Variants in ST7 observed in about 807,000 individuals in gnomAD.
ST7 encodes suppressor of tumorigenicity 7 protein.
In ST7, 28 loss-of-function variants were observed where a neutral mutation model predicts 78.7. That is an observed-to-expected ratio of 0.36 (90% CI 0.26 to 0.49). ST7 has a LOEUF of 0.49. Ranked by LOEUF, ST7 falls within the 20% of genes least tolerant of loss-of-function variation. ST7 has a pLI of 0.99. For missense variants in ST7, 418 were observed against 696.0 expected, an observed-to-expected ratio of 0.60 and a Z score of 4.49; for synonymous variants, 247 against 249.6, an observed-to-expected ratio of 0.99 and a Z score of 0.10.
At chr7:117,114,718 C>T (rs1458720941) in intron 2 of ST7, among the ~76,000 whole-genome samples, 1 of 152,122 alleles carries the variant, frequency 6.6e-6, no homozygotes, top group Non-Finnish European at 1.5e-5. Context: ...AGGGAAATTC[C>T]TGACACATGG....
At chr7:116,956,586 A>T in intron 1 of ST7, 1 of 471,232 alleles carries the variant, frequency 2.1e-6, no homozygotes, top group Non-Finnish European at 4.4e-6. Context: ...CAGGGCTTCC[A>T]TAGGCCCAGC....
At chr7:116,983,052 C>T (rs565300706) in intron 1 of ST7, among the ~76,000 whole-genome samples, 50 of 152,244 alleles carry the variant, frequency 3.3e-4, no homozygotes, top group Non-Finnish European at 6.0e-4. Flanking sequence ...GCATATGCCA[C>T]CACGCCTGGC....
chr7:116,956,479 T>A (rs1327192015), intron 1 of ST7: 2 of 471,080 alleles, frequency 4.2e-6, no homozygotes, highest in Non-Finnish European at 8.8e-6. Context: ...GAGAGGTTAC[T>A]GAATCTGGAG....
intron 12 of ST7, 57 bp from the exon 13 acceptor site, chr7:117,209,730 A>G: frequency 6.4e-7 from 1 of 1,567,622 alleles, no homozygotes. Flanking sequence ...TATTTTCAAT[A>G]CTGAATTCTA....
intron 14 of ST7, among the ~76,000 whole-genome samples, chr7:117,220,304 C>T (rs1792993846): frequency 6.6e-6 from 1 of 152,200 alleles, no homozygotes; most frequent in South Asian, 2.1e-4. Flanking sequence ...ACTCAGGGAA[C>T]TGGGAGATCC....
chr7:117,087,303 G>T (rs1055969725), intron 1 of ST7, among the ~76,000 whole-genome samples: 6 of 152,076 alleles, frequency 3.9e-5, no homozygotes, highest in Non-Finnish European at 7.4e-5. Context: ...ATAGAAAATA[G>T]ATTTATTTTT....
At chr7:116,983,716 C>T (rs1192280301) in intron 1 of ST7, among the ~76,000 whole-genome samples, 2 of 152,162 alleles carry the variant, frequency 1.3e-5, no homozygotes, top group Non-Finnish European at 2.9e-5. Context: ...TGTCTGTCTT[C>T]ACCCAAGCAT....
intron 9 of ST7, among the ~76,000 whole-genome samples, chr7:117,167,142 A>C (rs1807625253): frequency 6.6e-6 from 1 of 151,230 alleles, no homozygotes; most frequent in African/African-American, 2.4e-5. Context: ...ACATACGTAT[A>C]CATGTGCCAT....
chr7:116,962,013 C>T (rs756235829), intron 1 of ST7, among the ~76,000 whole-genome samples: 17 of 150,932 alleles, frequency 1.1e-4, no homozygotes, highest in Non-Finnish European at 5.9e-5. Flanking sequence ...TCAACTCTGA[C>T]TTATGAGTGA....
At chr7:116,973,398 C>T (rs1049495821) in intron 1 of ST7, among the ~76,000 whole-genome samples, 2 of 152,172 alleles carry the variant, frequency 1.3e-5, no homozygotes, top group Non-Finnish European at 2.9e-5. Flanking sequence ...GCTGGGACTA[C>T]ACATGTGTGC....
intron 1 of ST7, among the ~76,000 whole-genome samples, chr7:117,045,113 T>A (rs1278147479): frequency 6.6e-6 from 1 of 152,062 alleles, no homozygotes; most frequent in Non-Finnish European, 1.5e-5. Context: ...CCTCCACCAT[T>A]ACTACCTTAG....
intron 1 of ST7, among the ~76,000 whole-genome samples, chr7:117,004,811 A>G (rs1795092397): frequency 6.6e-6 from 1 of 152,264 alleles, no homozygotes; most frequent in Non-Finnish European, 1.5e-5. Flanking sequence ...GGTTATAGCA[A>G]TGATGACAAA....
intron 1 of ST7, among the ~76,000 whole-genome samples, chr7:116,994,728 A>C (rs1794575644): frequency 6.6e-6 from 1 of 152,210 alleles, no homozygotes; most frequent in Admixed American, 6.5e-5. Flanking sequence ...ACATTGGAGG[A>C]GTTCTCTCTT....
At chr7:117,116,736 GC>G (rs1802919128) in intron 2 of ST7, among the ~76,000 whole-genome samples, 1 of 152,084 alleles carries the variant, frequency 6.6e-6, no homozygotes, top group African/African-American at 2.4e-5. Context: ...ACCTGAGAAG[GC>G]CCTCCTTTTC....
At chr7:116,989,066 A>T (rs1794311089) in intron 1 of ST7, among the ~76,000 whole-genome samples, 1 of 152,228 alleles carries the variant, frequency 6.6e-6, no homozygotes, top group South Asian at 2.1e-4. Context: ...AGACACATTA[A>T]CAAAGAGAAA....
intron 1 of ST7, among the ~76,000 whole-genome samples, chr7:117,078,255 T>C (rs1214771689): frequency 6.6e-6 from 1 of 152,232 alleles, no homozygotes; most frequent in Non-Finnish European, 1.5e-5. Context: ...ATCCAAAGCA[T>C]AGCTTGTAAC....
chr7:117,170,660 G>A (rs569974688), intron 9 of ST7, among the ~76,000 whole-genome samples: 5 of 152,078 alleles, frequency 3.3e-5, no homozygotes, highest in South Asian at 4.2e-4. Context: ...CAGCCTGGGC[G>A]ACAGAGCAAG....
intron 1 of ST7, among the ~76,000 whole-genome samples, chr7:117,039,391 T>C (rs1261215782): frequency 6.6e-6 from 1 of 152,050 alleles, no homozygotes; most frequent in Non-Finnish European, 1.5e-5. Flanking sequence ...CTGGGCAACA[T>C]AGGGAAACCC....
chr7:117,221,910 G>A lies in ST7; in HGVS notation c.1499-13G>A. On this transcript the variant is annotated splice_polypyrimidine_tract_variant and intron_variant, in intron 14 of 15. Transcript: ENST00000323984. ...CTCCAGCCCTGATATTTCCCTTTTGGTCTTCTCCACAGCTTTCCATGAAGT... is the reference window on the plus strand; with the variant it reads ...CTCCAGCCCTGATATTTCCCTTTTGATCTTCTCCACAGCTTTCCATGAAGT... 1.2e-6 allele frequency: 2 copies of A among 1,600,624 alleles called. No individual in the cohort carries two copies. The highest frequency in any genetic ancestry group is 1.1e-5 in the South Asian group (1 of 88,588).
Sources: gnomAD v4.1 joint callset for allele counts (sites outside exome capture counted in the v4.1 genomes callset) on GRCh38, gnomAD v4.1.1 for gene constraint, MANE v1.5 for transcripts, NCBI Gene and HGNC (gene_info 2026-07-23, HGNC 2026-07-21) for gene names.